LRRC1: variants seen among roughly 807,000 people sequenced by gnomAD.
The protein encoded by LRRC1 is leucine rich repeat containing 1, also known as leucine-rich repeat-containing protein 1.
Under a neutral mutation model 69.9 loss-of-function variants are expected in LRRC1, and 28 were observed. The observed-to-expected ratio is 0.40, with a 90% CI of 0.30 to 0.55. LRRC1 has a LOEUF of 0.55. LRRC1 is among the 20% of genes least tolerant of loss of function. The probability of loss-of-function intolerance (pLI) is 0.47; values close to 1 mark genes in which losing one functional copy is unlikely to be tolerated. For synonymous variants in LRRC1, 236 were observed against 240.2 expected (o/e 0.98, Z 0.16); for missense variants, 498 against 609.0 (o/e 0.82, Z 1.92).
intron 10 of LRRC1, among the ~76,000 whole-genome samples, chr6:53,907,916 G>T (rs1768291480): frequency 6.6e-6 from 1 of 152,118 alleles, no homozygotes; most frequent in Non-Finnish European, 1.5e-5. Context: ...TTGTAAGTTT[G>T]TCGGCACAAA....
chr6:53,919,862 C>T (rs1248956323), intron 12 of LRRC1, among the ~76,000 whole-genome samples, 192 bp downstream of exon 12: 2 of 152,202 alleles, frequency 1.3e-5, no homozygotes, highest in Non-Finnish European at 2.9e-5. Context: ...AGGGCCACTC[C>T]TATCTATTTA....
In LRRC1 at chr6:53,896,480, C is replaced by G. The variant is rs750733276; in HGVS notation, c.447-18C>G. On this transcript the variant is annotated intron_variant, in intron 4 of 13. Coordinates refer to ENST00000370888, the MANE Select transcript of LRRC1 (RefSeq NM_018214.5). ...AGGAATTTCTCTTATGCTTTTTTTT[C>G]CTTCTGTTCATTTCTAGTCTTTATA... is the stretch of plus-strand genomic sequence containing the variant. 1 of 1,604,372 alleles carries G rather than the reference C, an allele frequency of 6.2e-7. No individual in the cohort carries two copies. The highest frequency in any genetic ancestry group is 1.1e-5 in the South Asian group (1 of 90,538).
intron 10 of LRRC1, among the ~76,000 whole-genome samples, chr6:53,912,974 C>T (rs904007427): frequency 1.3e-5 from 2 of 152,142 alleles, no homozygotes; most frequent in Admixed American, 1.3e-4. Flanking sequence ...TATTTTTCTG[C>T]CCTCTTGATT....
intron 1 of LRRC1, among the ~76,000 whole-genome samples, chr6:53,830,686 A>G (rs1765400651): frequency 6.6e-6 from 1 of 152,096 alleles, no homozygotes; most frequent in Non-Finnish European, 1.5e-5. Context: ...ATTTATTTTC[A>G]GGGTGCAAGA....
chr6:53,918,724 A>G (rs189245508), intron 11 of LRRC1, among the ~76,000 whole-genome samples: 1 of 152,364 alleles, frequency 6.6e-6, no homozygotes, highest in African/African-American at 2.4e-5. Context: ...AATAGATTCT[A>G]CTGATTGCAG....
chr6:53,816,230 A>G (rs1415558465), intron 1 of LRRC1, among the ~76,000 whole-genome samples: 1 of 152,154 alleles, frequency 6.6e-6, no homozygotes, highest in Admixed American at 6.5e-5. Context: ...TATAGTGAGC[A>G]TGGTACCAAA....
chr6:53,830,247 G>A lies in LRRC1; in HGVS notation c.160-11863G>A, dbSNP rs141652449. ...AAAATGTAAAGACTGTCTGTCAAAA[G>A]GAGCAGTTTTTAAAGAAGTGGCTCT... On this transcript the variant is annotated intron_variant, in intron 1 of 13. Transcript: ENST00000370888. Among the ~76,000 whole-genome samples the A allele has an allele frequency of 6.5e-4, 99 of 152,326 alleles. 2 individuals are homozygous for A. Among genetic ancestry groups the A allele is most frequent in the African/African-American group, 2.2e-3 (90 of 41,584 alleles).
Position 53,914,109 on chromosome 6 carries a change from G to T in LRRC1, c.1106+140G>T, listed in dbSNP as rs988625219. The T allele has an allele frequency of 3.4e-5, 20 of 586,626 alleles. No homozygotes were observed. The highest frequency in any genetic ancestry group is 2.0e-4 in the Admixed American group (7 of 35,054). The allele number at this position is 586,626 out of a possible 1,614,324, so 36.3% of individuals were successfully genotyped here. ...TTTTTCAAATGACCTAGGCCTCAGG[G>T]AGTTCCTTCATAGGGGGGCTAGAGT... On this transcript the variant is annotated intron_variant, in intron 11 of 13. Transcript: ENST00000370888.
At chr6:53,819,835 A>G (rs961410174) in intron 1 of LRRC1, among the ~76,000 whole-genome samples, 2 of 151,952 alleles carry the variant, frequency 1.3e-5, no homozygotes, top group Non-Finnish European at 2.9e-5. Context: ...GATAACTGTC[A>G]CTCCCCTCAT....
In LRRC1 at chr6:53,919,549, GCTAT is replaced by G; in HGVS notation, c.1161_1164del (p.Ser388ThrfsTer23). ...CTGCCTTGAAGTTGAAGGCTCTGTG[GCTAT>G]CTGACAACCAGTCCCAGCCCCTGCT... On this transcript the variant is annotated frameshift_variant, in exon 12 of 14. Coordinates refer to ENST00000370888, the MANE Select transcript of LRRC1 (RefSeq NM_018214.5). LOFTEE classifies it high-confidence loss of function. The G allele has an allele frequency of 3.1e-6, 5 of 1,612,454 alleles. No individual in the cohort carries two copies. The highest frequency in any genetic ancestry group is 4.2e-6 in the Non-Finnish European group (5 of 1,179,554).
At chr6:53,888,614 G>T (rs992411981) in intron 4 of LRRC1, among the ~76,000 whole-genome samples, 8 of 152,132 alleles carry the variant, frequency 5.3e-5, no homozygotes, top group Admixed American at 3.9e-4. Context: ...CAATTCAGTG[G>T]AGAAAGAATA....
intron 10 of LRRC1, among the ~76,000 whole-genome samples, chr6:53,909,249 A>G (rs1363060908): frequency 6.6e-6 from 1 of 152,072 alleles, no homozygotes; most frequent in Non-Finnish European, 1.5e-5. Flanking sequence ...AACCATTTTC[A>G]ATGTCCAACA....
At chr6:53,816,798 G>C (rs936853532) in intron 1 of LRRC1, among the ~76,000 whole-genome samples, 7 of 152,154 alleles carry the variant, frequency 4.6e-5, no homozygotes, top group African/African-American at 1.4e-4. Context: ...TGCAACTTGT[G>C]AATACTTTCG....
rs1768007874 is a variant in LRRC1 at position 53,900,053 on chromosome 6, T to TTTTTTTTTC, written c.787+162_787+163insTTTTTTTTC. Among the ~76,000 whole-genome samples, 28 of 116,922 alleles carry TTTTTTTTTC rather than the reference T, an allele frequency of 2.4e-4. 1 individual carries two copies. Among genetic ancestry groups the TTTTTTTTTC allele is most frequent in the African/African-American group, 9.8e-4 (27 of 27,644 alleles). The allele number at this position is 116,922 out of a possible 152,430, so 76.7% of individuals were successfully genotyped here. ...TTTTTTTTTTTTTTTTTTTTTTTTTTCTGAGATGGAGTCTCGCTCTGTCGC... is the reference window on the plus strand; with the variant it reads ...TTTTTTTTTTTTTTTTTTTTTTTTTTTTTTTTTTCCTGAGATGGAGTCTCGCTCTGTCGC... On this transcript the variant is annotated intron_variant, in intron 8 of 13. Transcript: ENST00000370888.
intron 11 of LRRC1, among the ~76,000 whole-genome samples, chr6:53,916,051 A>G (rs569762596): frequency 6.6e-6 from 1 of 152,322 alleles, no homozygotes; most frequent in Non-Finnish European, 1.5e-5. Flanking sequence ...TGGTAGGATA[A>G]ATTATAGCAA....
intron 1 of LRRC1, among the ~76,000 whole-genome samples, chr6:53,815,516 C>A (rs1412160592): frequency 6.6e-6 from 1 of 152,154 alleles, no homozygotes; most frequent in Non-Finnish European, 1.5e-5. Flanking sequence ...ACACAGTGAG[C>A]GTGTCCTGAG....
intron 1 of LRRC1, among the ~76,000 whole-genome samples, chr6:53,807,747 T>TCAA (rs60487267): frequency 0.014 from 2,033 of 150,552 alleles, 17 homozygotes; most frequent in Middle Eastern, 0.031. Context: ...CTCCGTGTCG[T>TCAA]CAACAACAAC....
At chr6:53,891,984 T>G in intron 4 of LRRC1, among the ~76,000 whole-genome samples, 1 of 52,878 alleles carries the variant, frequency 1.9e-5, no homozygotes, top group African/African-American at 5.7e-5. Flanking sequence ...AGAGTAAGAT[T>G]CTGTCTAAAA....
intron 1 of LRRC1, among the ~76,000 whole-genome samples, chr6:53,809,087 A>G (rs560956456): frequency 1.6e-4 from 24 of 152,348 alleles, no homozygotes; most frequent in East Asian, 3.9e-4. Flanking sequence ...CTGAACAGCA[A>G]TGAGCATTTG....
Sources: gnomAD v4.1 joint callset for allele counts (sites outside exome capture counted in the v4.1 genomes callset) on GRCh38, gnomAD v4.1.1 for gene constraint, MANE v1.5 for transcripts, NCBI Gene and HGNC (gene_info 2026-07-23, HGNC 2026-07-21) for gene names.